Variants in PHF2 observed in about 807,000 individuals in gnomAD.
The protein encoded by PHF2 is PHD finger protein 2, also known as lysine-specific demethylase PHF2.
Under a neutral mutation model 120.5 loss-of-function variants are expected in PHF2, and 27 were observed. The observed-to-expected ratio is 0.22, with a 90% CI of 0.17 to 0.31. PHF2 has a LOEUF of 0.31. Among genes scored for constraint, PHF2 ranks in the 10% least tolerant of loss-of-function variants. The probability of loss-of-function intolerance (pLI) is 1.00; values close to 1 mark genes in which losing one functional copy is unlikely to be tolerated. For synonymous variants in PHF2, 568 were observed against 592.5 expected (o/e 0.96, Z 0.60); for missense variants, 1,024 against 1,434.8 (o/e 0.71, Z 4.63).
chr9:93,669,932 C>T lies in PHF2; in HGVS notation c.2348+2692C>T, dbSNP rs549611737. 2.6e-4 allele frequency among the ~76,000 whole-genome samples: 39 copies of T among 152,278 alleles called. No homozygotes were observed. The East Asian group carries it at 4.8e-3, about 19-fold the overall frequency. On this transcript the variant is annotated intron_variant, in intron 17 of 21. Coordinates refer to ENST00000359246, the MANE Select transcript of PHF2 (RefSeq NM_005392.4). The stretch of plus-strand genomic sequence containing the variant: ...CACAGGCATGCAGAGCTGGGTGGCC[C>T]GCCTGCCACTGTATTGGCCTCTTCC...
chr9:93,665,654 G>T (rs113942376), intron 14 of PHF2, 32 bp from the exon 15 acceptor site: 1 of 1,606,726 alleles, frequency 6.2e-7, no homozygotes, highest in Admixed American at 1.7e-5. Context: ...GGGGCTATGT[G>T]GATGCTGCTG....
At chr9:93,588,873 A>G (rs1863116211) in intron 1 of PHF2, among the ~76,000 whole-genome samples, 1 of 152,210 alleles carries the variant, frequency 6.6e-6, no homozygotes, top group African/African-American at 2.4e-5. Context: ...CCTGGGCAAC[A>G]GAGTGAGACT....
At chr9:93,643,476 C>A (rs1039680675) in intron 3 of PHF2, among the ~76,000 whole-genome samples, 1 of 152,174 alleles carries the variant, frequency 6.6e-6, no homozygotes, top group African/African-American at 2.4e-5. Context: ...TCTAGTCCCC[C>A]CTGGTTTATC....
chr9:93,653,313 C>T lies in PHF2; in HGVS notation c.737C>T (p.Thr246Ile). 3 of 1,614,046 alleles carry T rather than the reference C, an allele frequency of 1.9e-6. No individual in the cohort carries two copies. Among genetic ancestry groups the T allele is most frequent in the South Asian group, 1.1e-5 (1 of 91,090 alleles). Residue 246 changes from threonine to isoleucine, a missense_variant, in exon 6 of 22, where the codon ACC becomes ATC. Coordinates refer to ENST00000359246, the MANE Select transcript of PHF2 (RefSeq NM_005392.4). Reference sequence around the variant, plus strand: ...CTAATCTGCGTGAAGGACAGTTACACCGACTTCCACATCGACTCTGGGGGC... The same window carrying T: ...CTAATCTGCGTGAAGGACAGTTACATCGACTTCCACATCGACTCTGGGGGC... ...YCLICVKDSY[T>I]DFHIDSGGAS...
chr9:93,670,276 G>A (rs1179601257), intron 17 of PHF2, among the ~76,000 whole-genome samples: 2 of 152,248 alleles, frequency 1.3e-5, no homozygotes, highest in Non-Finnish European at 2.9e-5. Flanking sequence ...CCCCTGTAAG[G>A]TGGGGCGGGC....
At position 93,581,017 on chromosome 9, in the gene PHF2, G is replaced by A. The variant is rs146009113; in HGVS notation, c.98+4146G>A. Among the ~76,000 whole-genome samples the A allele has an allele frequency of 3.5e-3, 537 of 152,230 alleles. 3 individuals carry two copies. Among genetic ancestry groups the A allele is most frequent in the African/African-American group, 0.012 (499 of 41,520 alleles). On this transcript the variant is annotated intron_variant, in intron 1 of 21. Transcript: ENST00000359246. Reference sequence around the variant, plus strand: ...ACCCAGGGGGTGGGGAGTGAGGACTGGGGTCGGTAGAAGGGTCACATTCTG... The same window carrying A: ...ACCCAGGGGGTGGGGAGTGAGGACTAGGGTCGGTAGAAGGGTCACATTCTG...
intron 17 of PHF2, among the ~76,000 whole-genome samples, chr9:93,669,488 C>T (rs1361322649): frequency 2.0e-5 from 3 of 152,252 alleles, no homozygotes; most frequent in African/African-American, 7.2e-5. Context: ...GTGCTTGAGG[C>T]TGACCATGCT....
intron 3 of PHF2, among the ~76,000 whole-genome samples, chr9:93,644,882 G>A (rs770559248): frequency 2.1e-4 from 32 of 152,152 alleles, no homozygotes; most frequent in Non-Finnish European, 3.8e-4. Context: ...TTGCCTGTGG[G>A]CCCCTCTCGT....
intron 1 of PHF2, among the ~76,000 whole-genome samples, chr9:93,578,673 C>G (rs954027264): frequency 9.9e-5 from 15 of 152,148 alleles, no homozygotes; most frequent in Non-Finnish European, 1.0e-4. Flanking sequence ...AAGGCTAGTT[C>G]TGAACTAGAC....
Position 93,676,732 on chromosome 9 carries a change from A to G in PHF2, c.2971A>G (p.Thr991Ala). ...GCCAGCCTCTACCACCCCGGCCTCC[A>G]CCACCCCGGCCTCCACCAGCACGGC... ...TTPASTTPAS[T>A]TPASTSTASS... The change falls in exon 21 of 22, where the codon ACC (threonine) becomes GCC (alanine). Residue 991 changes from threonine to alanine, a missense_variant. This residue lies in a region of PHF2 where 677 missense variants were observed against 857.4 expected (regional missense o/e 0.79). Coordinates refer to ENST00000359246, the MANE Select transcript of PHF2 (RefSeq NM_005392.4). The G allele has an allele frequency of 6.4e-7, 1 of 1,557,096 alleles. No homozygotes were observed. Among genetic ancestry groups the G allele is most frequent in the South Asian group, 1.2e-5 (1 of 84,720 alleles).
chr9:93,669,985 G>A (rs891122702), intron 17 of PHF2, among the ~76,000 whole-genome samples: 1 of 152,212 alleles, frequency 6.6e-6, no homozygotes, highest in African/African-American at 2.4e-5. Flanking sequence ...TGCTGTCTCT[G>A]GCAAGGGGTT....
At chr9:93,627,702 A>T (rs1037150630) in intron 1 of PHF2, among the ~76,000 whole-genome samples, 1 of 152,020 alleles carries the variant, frequency 6.6e-6, no homozygotes, top group African/African-American at 2.4e-5. Flanking sequence ...TTTGTAGAGT[A>T]TTTTTATCAT....
At chr9:93,630,124 G>A in intron 2 of PHF2, 69 bp downstream of exon 2, 1 of 1,467,110 alleles carries the variant, frequency 6.8e-7, no homozygotes, top group Non-Finnish European at 9.5e-7. Flanking sequence ...TGGGCTGCGT[G>A]GAGGGTGAGG....
intron 1 of PHF2, among the ~76,000 whole-genome samples, chr9:93,620,794 TCTC>T (rs1487367062): frequency 2.0e-5 from 3 of 152,228 alleles, no homozygotes; most frequent in Non-Finnish European, 4.4e-5. Flanking sequence ...TAGTTATTAT[TCTC>T]CTCTTATTTT....
chr9:93,637,059 C>CA (rs1826105717), intron 3 of PHF2, among the ~76,000 whole-genome samples: 1 of 152,270 alleles, frequency 6.6e-6, no homozygotes, highest in Non-Finnish European at 1.5e-5. Flanking sequence ...AGCTGCCCTG[C>CA]AGCCGTTCAT....
intron 1 of PHF2, among the ~76,000 whole-genome samples, chr9:93,605,815 G>A (rs1825533322): frequency 1.3e-5 from 2 of 151,988 alleles, no homozygotes; most frequent in Admixed American, 6.6e-5. Context: ...CCTACTGAAG[G>A]GCATCTTGGT....
chr9:93,665,972 C>T lies in PHF2; in HGVS notation c.2117-18C>T, dbSNP rs1217374249. 4.3e-6 allele frequency: 7 copies of T among 1,613,294 alleles called. No homozygotes were observed. Among genetic ancestry groups the T allele is most frequent in the Non-Finnish European group, 5.9e-6 (7 of 1,179,662 alleles). On this transcript the variant is annotated intron_variant, in intron 15 of 21. Transcript: ENST00000359246. ...CCCGCAAGGCCTCCCGCTGGACTGCCATCTGCTGTGCTTTCAGTCTTGTTG... is the reference window on the plus strand; with the variant it reads ...CCCGCAAGGCCTCCCGCTGGACTGCTATCTGCTGTGCTTTCAGTCTTGTTG...
At chr9:93,621,948 A>C (rs1825833800) in intron 1 of PHF2, among the ~76,000 whole-genome samples, 1 of 152,116 alleles carries the variant, frequency 6.6e-6, no homozygotes, top group Admixed American at 6.5e-5. Flanking sequence ...GTGGTGCACC[A>C]ACCCCTGGAC....
Position 93,677,032 on chromosome 9 carries a change from T to C in PHF2, c.3202+69T>C. ...CTGCCCCCATGGGCAGCCCCAGACA[T>C]GCAGACTCGGCCCATGGTAGAGGGC... On this transcript the variant is annotated intron_variant, in intron 21 of 21. Transcript: ENST00000359246. The surrounding 1 kb of genome is among the most constrained non-coding windows in gnomAD (Gnocchi z 4.4). 7.0e-7 allele frequency: 1 copy of C among 1,435,750 alleles called. No homozygotes were observed. The highest frequency in any genetic ancestry group is 9.2e-7 in the Non-Finnish European group (1 of 1,082,300). The allele number at this position is 1,435,750 out of a possible 1,614,324, so 88.9% of individuals were successfully genotyped here.
Sources: gnomAD v4.1 joint callset for allele counts (sites outside exome capture counted in the v4.1 genomes callset) on GRCh38, gnomAD v4.1.1 for gene constraint, gnomAD v4.1.1 regional missense constraint, Gnocchi (gnomAD v3.1) non-coding constraint, MANE v1.5 for transcripts, NCBI Gene and HGNC (gene_info 2026-07-23, HGNC 2026-07-21) for gene names.